The following ATG10 variants were observed in gnomAD, a reference collection of about 807,000 sequenced individuals.
ATG10 encodes the protein ubiquitin-like-conjugating enzyme ATG10.
In ATG10, 30 loss-of-function variants were observed where a neutral mutation model predicts 32.1. The ratio of observed to expected loss-of-function variants is 0.94; its 90% confidence interval spans 0.70 to 1.27. The LOEUF is 1.27. ATG10 is among the 50% of genes most tolerant of loss of function. The pLI is 0.00. For missense variants in ATG10, 233 were observed against 262.3 expected, an observed-to-expected ratio of 0.89 and a Z score of 0.77; for synonymous variants, 87 against 91.5, an observed-to-expected ratio of 0.95 and a Z score of 0.28.
At chr5:82,022,695 ACAT>A (rs990162720) in intron 2 of ATG10, among the ~76,000 whole-genome samples, 6 of 147,518 alleles carry the variant, frequency 4.1e-5, no homozygotes, top group Non-Finnish European at 8.9e-5. Context: ...GCTGTTATTT[ACAT>A]ATATCTCATT....
chr5:82,072,843 G>A (rs1474878067), intron 3 of ATG10, among the ~76,000 whole-genome samples: 1 of 152,126 alleles, frequency 6.6e-6, no homozygotes, highest in Admixed American at 6.6e-5. Flanking sequence ...ACTGAATCAG[G>A]TGGAACTGAT....
At chr5:82,154,631 GT>G (rs1767739096) in intron 3 of ATG10, among the ~76,000 whole-genome samples, 1 of 152,100 alleles carries the variant, frequency 6.6e-6, no homozygotes, top group Admixed American at 6.6e-5. Flanking sequence ...AAGTCTATGT[GT>G]TTTTATCCGA....
intron 3 of ATG10, among the ~76,000 whole-genome samples, chr5:82,128,796 TC>T (rs1330883101): frequency 6.6e-6 from 1 of 150,692 alleles, no homozygotes; most frequent in African/African-American, 2.4e-5. Flanking sequence ...TAACATTTTT[TC>T]CTTCATTTCA....
intron 3 of ATG10, among the ~76,000 whole-genome samples, chr5:82,137,854 T>G (rs1766830636): frequency 6.6e-6 from 1 of 152,284 alleles, no homozygotes; most frequent in East Asian, 1.9e-4. Context: ...CCCAGAGAGA[T>G]GGGAGTTTTG....
chr5:82,250,937 G>T (rs554049922), intron 5 of ATG10, among the ~76,000 whole-genome samples: 1 of 152,356 alleles, frequency 6.6e-6, no homozygotes, highest in East Asian at 1.9e-4. Context: ...TCAGGGCTTT[G>T]AGCCCAGGGC....
chr5:82,247,369 T>A (rs2150026522), intron 5 of ATG10, among the ~76,000 whole-genome samples: 1 of 152,310 alleles, frequency 6.6e-6, no homozygotes, highest in East Asian at 1.9e-4. Context: ...TCTATTAATA[T>A]ACTTTCAAAT....
chr5:81,993,336 C>CTTTCTTTCTTTCTTTCTTTCT (rs1554039309), intron 2 of ATG10, among the ~76,000 whole-genome samples: 1 of 77,674 alleles, frequency 1.3e-5, no homozygotes, highest in African/African-American at 6.4e-5. Flanking sequence ...TCCTTCCTTC[C>CTTTCTTTCTTTCTTTCTTTCT]TTCTTTCTTT....
intron 3 of ATG10, among the ~76,000 whole-genome samples, chr5:82,081,297 TC>T (rs1667778972): frequency 6.6e-6 from 1 of 152,264 alleles, no homozygotes; most frequent in Non-Finnish European, 1.5e-5. Flanking sequence ...AATCATGTTA[TC>T]TGCAAACAGG....
chr5:82,093,258 A>G (rs910313202), intron 3 of ATG10, among the ~76,000 whole-genome samples: 13 of 152,216 alleles, frequency 8.5e-5, no homozygotes, highest in African/African-American at 3.1e-4. Context: ...GCCACTGGAG[A>G]TTGCCACATA....
intron 5 of ATG10, among the ~76,000 whole-genome samples, chr5:82,205,797 C>A (rs1745265634): frequency 6.6e-6 from 1 of 152,138 alleles, no homozygotes; most frequent in Non-Finnish European, 1.5e-5. Context: ...TATTTGATTT[C>A]TTAAGCAGTG....
At chr5:82,061,259 A>C (rs1411821286) in intron 3 of ATG10, among the ~76,000 whole-genome samples, 2 of 152,200 alleles carry the variant, frequency 1.3e-5, no homozygotes, top group Non-Finnish European at 1.5e-5. Flanking sequence ...CAGTAATTGG[A>C]AGATTACATA....
intron 5 of ATG10, among the ~76,000 whole-genome samples, chr5:82,185,972 A>G (rs188064183): frequency 1.8e-4 from 28 of 152,230 alleles, no homozygotes; most frequent in Admixed American, 1.8e-3. Context: ...CTGTTTAACA[A>G]AACTTCTCAG....
At chr5:82,242,622 G>A (rs755569321) in intron 5 of ATG10, among the ~76,000 whole-genome samples, 1 of 152,118 alleles carries the variant, frequency 6.6e-6, no homozygotes, top group African/African-American at 2.4e-5. Flanking sequence ...ATGACAATTA[G>A]ACTGATAGTC....
intron 2 of ATG10, among the ~76,000 whole-genome samples, chr5:82,037,542 C>T (rs140890049): frequency 0.16 from 23,836 of 151,626 alleles, 2,217 homozygotes; most frequent in South Asian, 0.28. Flanking sequence ...CCACCGCGCC[C>T]GGCCCCATTT....
intron 3 of ATG10, among the ~76,000 whole-genome samples, chr5:82,097,418 C>T (rs1765106996): frequency 6.6e-6 from 1 of 151,962 alleles, no homozygotes; most frequent in African/African-American, 2.4e-5. Flanking sequence ...CATCTAGGAC[C>T]ATCTTAAATT....
chr5:82,129,560 A>G (rs560733031), intron 3 of ATG10, among the ~76,000 whole-genome samples: 2 of 152,004 alleles, frequency 1.3e-5, no homozygotes, highest in Admixed American at 6.6e-5. Context: ...TGTTGATGCT[A>G]TCCCTTTCTA....
chr5:82,207,309 TCTGATAA>T (rs1745337458), intron 5 of ATG10, among the ~76,000 whole-genome samples: 1 of 152,354 alleles, frequency 6.6e-6, no homozygotes, highest in African/African-American at 2.4e-5. Context: ...TGCTCCATGT[TCTGATAA>T]CTGTTTGATA....
intron 5 of ATG10, chr5:82,242,904 A>G (rs1315801309): frequency 2.3e-6 from 1 of 434,894 alleles, no homozygotes; most frequent in Non-Finnish European, 4.5e-6. Context: ...GAATAGTAAA[A>G]TGTGGGTAAA....
chr5:82,086,581 CT>C (rs1415100390), intron 3 of ATG10, among the ~76,000 whole-genome samples: 2 of 152,140 alleles, frequency 1.3e-5, no homozygotes, highest in Non-Finnish European at 2.9e-5. Flanking sequence ...GACTTCTTAG[CT>C]GTGGTCTTCA....
Sources: allele counts gnomAD v4.1 joint callset (sites outside exome capture counted in the v4.1 genomes callset), GRCh38; gene constraint gnomAD v4.1.1; transcripts MANE v1.5; gene names NCBI Gene and HGNC (gene_info 2026-07-23, HGNC 2026-07-21).